Variants in MAPK14 observed in about 807,000 individuals in gnomAD.
The protein encoded by MAPK14 is CSAID-binding protein.
A neutral mutation model predicts 49.6 loss-of-function variants in MAPK14; 16 were observed. That is an observed-to-expected ratio of 0.32 (90% confidence interval 0.22 to 0.49). The LOEUF (loss-of-function observed/expected upper bound fraction) is 0.49. Ranked by LOEUF, MAPK14 falls within the 20% of genes least tolerant of loss-of-function variation. The pLI, the probability that MAPK14 is intolerant of heterozygous loss-of-function variation, is 0.99. For missense variants in MAPK14, 200 were observed against 441.2 expected (o/e 0.45, Z 4.90); for synonymous variants, 142 against 158.0 (o/e 0.90, Z 0.76).
chr6:36,029,453 A>G (rs879305747), intron 1 of MAPK14, among the ~76,000 whole-genome samples: 1 of 152,194 alleles, frequency 6.6e-6, no homozygotes, highest in African/African-American at 2.4e-5. Flanking sequence ...TAGATTTTCT[A>G]TAATTTGAAA....
chr6:36,108,722 G>T lies in MAPK14; in HGVS notation c.*275G>T, dbSNP rs200090505. The T allele has an allele frequency of 1.6e-4, 71 of 448,160 alleles. 1 individual carries two copies. Among genetic ancestry groups the T allele is most frequent in the South Asian group, 5.2e-4 (20 of 38,288 alleles). 27.8% of individuals were successfully genotyped at this position (448,160 alleles called of 1,614,324 possible). A position where few individuals can be genotyped will look rare whatever the true frequency, so the allele number is the denominator to read the frequency against. ...CTCCACCTTGCTCTTCTTTCTGAGA[G>T]TTGGCTCAGGCAGACAAGAGCTGCT... On this transcript the variant is annotated 3_prime_UTR_variant, in exon 12 of 12. Coordinates refer to ENST00000229794, the MANE Select transcript of MAPK14 (RefSeq NM_139012.3).
Position 36,028,584 on chromosome 6 carries a change from G to T in MAPK14, c.116+311G>T, listed in dbSNP as rs976708422. ...GGTTGCTGCTCGGCAACAGGCACCG[G>T]GGGAAGGGCCGCTTCCTTGGGGGTC... On this transcript the variant is annotated intron_variant, in intron 1 of 11. Coordinates refer to ENST00000229794, the MANE Select transcript of MAPK14 (RefSeq NM_139012.3). The surrounding 1 kb of genome is among the most constrained non-coding windows in gnomAD (Gnocchi z 5.1). Among the ~76,000 whole-genome samples the T allele has an allele frequency of 8.5e-5, 13 of 152,176 alleles. No individual in the cohort carries two copies. The highest frequency in any genetic ancestry group is 1.0e-4 in the Non-Finnish European group (7 of 68,018).
At chr6:36,081,285 A>T (rs576648680) in intron 8 of MAPK14, among the ~76,000 whole-genome samples, 53 of 152,238 alleles carry the variant, frequency 3.5e-4, no homozygotes, top group Non-Finnish European at 6.0e-4. Context: ...GTTTTCTACT[A>T]AGAGTTTTGT....
In MAPK14 at chr6:36,076,625, TTTGGATTC is replaced by T. The variant is rs1562131216; in HGVS notation, c.682+21_682+28del. On this transcript the variant is annotated intron_variant, in intron 8 of 11. Coordinates refer to ENST00000229794, the MANE Select transcript of MAPK14 (RefSeq NM_139012.3). The stretch of plus-strand genomic sequence containing the variant: ...GTACAGACCGTATCCTTTAAAAAGT[TTTGGATTC>T]TTGTTTCTTATCTGTATTCCAGTGT... 2 of 1,603,422 alleles carry T rather than the reference TTTGGATTC, an allele frequency of 1.2e-6. No individual in the cohort carries two copies. Among genetic ancestry groups the T allele is most frequent in the South Asian group, 1.1e-5 (1 of 90,800 alleles).
intron 2 of MAPK14, 73 bp downstream of exon 2, chr6:36,052,901 G>C: frequency 1.4e-6 from 2 of 1,387,432 alleles, no homozygotes; most frequent in East Asian, 2.4e-5. Context: ...AATTACTGCA[G>C]ATGGAAATAC....
intron 1 of MAPK14, among the ~76,000 whole-genome samples, chr6:36,036,099 TGTG>T (rs1762736971): frequency 1.3e-5 from 2 of 152,018 alleles, no homozygotes; most frequent in Admixed American, 6.6e-5. Context: ...TTTTTGGTGT[TGTG>T]GTGTACACCT....
intron 1 of MAPK14, among the ~76,000 whole-genome samples, chr6:36,040,435 C>T (rs1345640859): frequency 6.6e-6 from 1 of 152,146 alleles, no homozygotes; most frequent in Non-Finnish European, 1.5e-5. Context: ...GAACCTTCCA[C>T]CTGCAAAAAG....
chr6:36,046,043 A>C (rs926843887), intron 1 of MAPK14, among the ~76,000 whole-genome samples: 1 of 152,140 alleles, frequency 6.6e-6, no homozygotes, highest in Non-Finnish European at 1.5e-5. Context: ...CACATTTTCT[A>C]TGTGTGTGTG....
At chr6:36,041,581 C>T (rs1174327841) in intron 1 of MAPK14, among the ~76,000 whole-genome samples, 6 of 152,122 alleles carry the variant, frequency 3.9e-5, no homozygotes, top group East Asian at 1.9e-4. Context: ...CACTAACTTC[C>T]GTTGGAATGG....
At chr6:36,062,798 C>T (rs1382462842) in intron 3 of MAPK14, among the ~76,000 whole-genome samples, 1 of 151,884 alleles carries the variant, frequency 6.6e-6, no homozygotes, top group African/African-American at 2.4e-5. Flanking sequence ...GCTGGGATTA[C>T]AGGCGCACAT....
chr6:36,054,474 A>G (rs1330107034), intron 2 of MAPK14, among the ~76,000 whole-genome samples: 2 of 152,230 alleles, frequency 1.3e-5, no homozygotes, highest in Non-Finnish European at 2.9e-5. Flanking sequence ...ACATTGTTTT[A>G]TAAGTGGCTT....
At chr6:36,043,615 G>T (rs1763049676) in intron 1 of MAPK14, among the ~76,000 whole-genome samples, 1 of 152,064 alleles carries the variant, frequency 6.6e-6, no homozygotes, top group Non-Finnish European at 1.5e-5. Flanking sequence ...GGTGCTACAG[G>T]TAAAGAGAAA....
At chr6:36,092,311 A>G in intron 8 of MAPK14, 4 of 600,316 alleles carry the variant, frequency 6.7e-6, no homozygotes, top group Non-Finnish European at 1.3e-5. Context: ...TTCTTCCTCA[A>G]GCTCCCAAAG....
chr6:36,059,419 C>A, intron 3 of MAPK14, 72 bp downstream of exon 3: 1 of 1,101,130 alleles, frequency 9.1e-7, no homozygotes, highest in Non-Finnish European at 1.4e-6. Flanking sequence ...TATTCCTGAA[C>A]CATTTAGCAA....
At chr6:36,045,544 C>T (rs1763138272) in intron 1 of MAPK14, among the ~76,000 whole-genome samples, 1 of 152,044 alleles carries the variant, frequency 6.6e-6, no homozygotes, top group African/African-American at 2.4e-5. Context: ...TGTGGTGGCT[C>T]ACGCCTGTAA....
At chr6:36,051,118 ATTTTT>A (rs111807142) in intron 1 of MAPK14, among the ~76,000 whole-genome samples, 2 of 142,750 alleles carry the variant, frequency 1.4e-5, no homozygotes, top group African/African-American at 5.1e-5. Context: ...TGTTATTACT[ATTTTT>A]TTTTTTTTTT....
Position 36,057,949 on chromosome 6 carries a change from G to T in MAPK14, c.247-1340G>T, listed in dbSNP as rs1013177389. On this transcript the variant is annotated intron_variant, in intron 2 of 11. Transcript: ENST00000229794. Reference sequence around the variant, plus strand: ...GAATTATATATTTCTTATTTGCCTTGTCAATGCCTAACTTTGTAGAAATGA... The same window carrying T: ...GAATTATATATTTCTTATTTGCCTTTTCAATGCCTAACTTTGTAGAAATGA... Among the ~76,000 whole-genome samples, 11 of 152,170 alleles carry T rather than the reference G, an allele frequency of 7.2e-5. 1 individual carries two copies. Among genetic ancestry groups the T allele is most frequent in the Admixed American group, 7.2e-4 (11 of 15,300 alleles).
intron 8 of MAPK14, chr6:36,092,220 G>A (rs1562145310): frequency 9.0e-6 from 5 of 553,658 alleles, no homozygotes; most frequent in East Asian, 9.6e-5. Context: ...TTACTGTCAC[G>A]ATGTGTGTGG....
intron 1 of MAPK14, among the ~76,000 whole-genome samples, chr6:36,031,484 T>TA (rs2127390195): frequency 6.6e-6 from 1 of 151,228 alleles, no homozygotes; most frequent in East Asian, 2.0e-4. Flanking sequence ...CTGCTCACTA[T>TA]AACCTCCACC....
Sources: allele counts gnomAD v4.1 joint callset (sites outside exome capture counted in the v4.1 genomes callset), GRCh38; gene constraint gnomAD v4.1.1; non-coding constraint Gnocchi (gnomAD v3.1); transcripts MANE v1.5; gene names NCBI Gene and HGNC (gene_info 2026-07-23, HGNC 2026-07-21).